PARD3B: variants seen among roughly 807,000 people sequenced by gnomAD.
PARD3B encodes the protein partitioning defective 3 homolog B.
In PARD3B, 103 loss-of-function variants were observed where a neutral mutation model predicts 130.2. That is an observed-to-expected ratio of 0.79 (90% CI 0.67 to 0.93). The LOEUF is 0.93. Among genes scored for constraint, PARD3B ranks in the 40% least tolerant of loss-of-function variants. The pLI, the probability that PARD3B is intolerant of heterozygous loss-of-function variation, is 0.00. For synonymous variants in PARD3B, 583 were observed against 553.2 expected, an observed-to-expected ratio of 1.05 and a Z score of -0.76; for missense variants, 1,609 against 1,499.2, an observed-to-expected ratio of 1.07 and a Z score of -1.21.
Position 204,623,720 on chromosome 2 carries a change from A to C in PARD3B, c.121-62461A>C, listed in dbSNP as rs746835955. On this transcript the variant is annotated intron_variant, in intron 1 of 22. Transcript: ENST00000406610. The surrounding 1 kb of genome is among the most constrained non-coding windows in gnomAD (Gnocchi z 4.5). The stretch of plus-strand genomic sequence containing the variant: ...TTTAAGTATATAATACAGCAGTATT[A>C]ACTATTGGCATAATGCTCCACAGCA... 6.6e-6 allele frequency among the ~76,000 whole-genome samples: 1 copy of C among 152,198 alleles called. No homozygotes were observed. The highest frequency in any genetic ancestry group is 1.5e-5 in the Non-Finnish European group (1 of 68,026).
chr2:205,470,658 A>G lies in PARD3B; in HGVS notation c.3045-29238A>G, dbSNP rs1030694405. On this transcript the variant is annotated intron_variant, in intron 20 of 22. Transcript: ENST00000406610. This position sits in a 1 kb window ranked among gnomAD's most constrained non-coding sequence, Gnocchi z 4.8. ...CATTTCCAGGGCAACCCTGTCTCCCACTTAGATCCTCTGGCTTAGAAACTA... is the reference window on the plus strand; with the variant it reads ...CATTTCCAGGGCAACCCTGTCTCCCGCTTAGATCCTCTGGCTTAGAAACTA... 6.6e-6 allele frequency among the ~76,000 whole-genome samples: 1 copy of G among 152,200 alleles called. No homozygotes were observed. The highest frequency in any genetic ancestry group is 2.4e-5 in the African/African-American group (1 of 41,456).
chr2:205,327,406 T>C (rs745658041), intron 18 of PARD3B, among the ~76,000 whole-genome samples: 2 of 152,216 alleles, frequency 1.3e-5, no homozygotes, highest in Admixed American at 6.5e-5. Context: ...ATATTATTAG[T>C]GTTTACTACT....
intron 2 of PARD3B, among the ~76,000 whole-genome samples, chr2:204,779,089 T>C (rs1331943942): frequency 1.3e-5 from 2 of 152,144 alleles, no homozygotes; most frequent in East Asian, 1.9e-4. Flanking sequence ...TTCTATTACC[T>C]GCTGGAGATG....
At chr2:204,672,435 CTG>C (rs1234686971) in intron 1 of PARD3B, among the ~76,000 whole-genome samples, 1 of 152,186 alleles carries the variant, frequency 6.6e-6, no homozygotes, top group Non-Finnish European at 1.5e-5. Flanking sequence ...AATTCTCAAA[CTG>C]TTTGTGATAG....
chr2:205,554,568 GT>G (rs1222337181), intron 22 of PARD3B, among the ~76,000 whole-genome samples: 2 of 151,966 alleles, frequency 1.3e-5, no homozygotes, highest in Non-Finnish European at 2.9e-5. Context: ...TGTCTAATAA[GT>G]TTTTCTTATT....
At chr2:204,986,811 A>G (rs1242093122) in intron 3 of PARD3B, among the ~76,000 whole-genome samples, 3 of 152,160 alleles carry the variant, frequency 2.0e-5, no homozygotes, top group Non-Finnish European at 2.9e-5. Context: ...CCCACCTTTT[A>G]CGTCCTGCCA....
intron 3 of PARD3B, among the ~76,000 whole-genome samples, chr2:205,036,365 AT>A (rs1255063664): frequency 1.5e-5 from 2 of 135,196 alleles, no homozygotes; most frequent in South Asian, 2.2e-4. Context: ...GGCTATATAT[AT>A]AAAATATATA....
At chr2:205,226,568 C>T (rs2038562794) in intron 15 of PARD3B, among the ~76,000 whole-genome samples, 1 of 152,048 alleles carries the variant, frequency 6.6e-6, no homozygotes, top group Non-Finnish European at 1.5e-5. Context: ...GTTTCATTCT[C>T]CTGCATATGA....
chr2:205,062,446 C>T (rs1700117760), intron 4 of PARD3B, among the ~76,000 whole-genome samples: 1 of 152,090 alleles, frequency 6.6e-6, no homozygotes, highest in Non-Finnish European at 1.5e-5. Context: ...CTCCCCGCTC[C>T]CACCCAAACC....
At chr2:205,340,970 A>G (rs2043502686) in intron 18 of PARD3B, among the ~76,000 whole-genome samples, 3 of 152,168 alleles carry the variant, frequency 2.0e-5, no homozygotes. Context: ...AAGGCCTACA[A>G]ATGGCCAACA....
intron 1 of PARD3B, among the ~76,000 whole-genome samples, chr2:204,644,100 A>T (rs1007300898): frequency 6.6e-6 from 1 of 152,148 alleles, no homozygotes; most frequent in South Asian, 2.1e-4. Context: ...CATTGGTAAC[A>T]CATCTCATCC....
At chr2:205,547,494 C>A (rs1273895409) in intron 21 of PARD3B, among the ~76,000 whole-genome samples, 1 of 152,078 alleles carries the variant, frequency 6.6e-6, no homozygotes, top group African/African-American at 2.4e-5. Context: ...GAAAAAACTT[C>A]TTGGATAAGC....
In PARD3B at chr2:205,187,266, C is replaced by T. The variant is rs1406669322; in HGVS notation, c.2024+1403C>T. On this transcript the variant is annotated intron_variant, in intron 14 of 22. Transcript: ENST00000406610. The surrounding 1 kb of genome is among the most constrained non-coding windows in gnomAD (Gnocchi z 4.9). ...CGGGAGGGAAGAGCAGCAGAAGAAA[C>T]AGCATAGAGACGGGAGAGTAAATTG... Among the ~76,000 whole-genome samples the T allele has an allele frequency of 6.6e-6, 1 of 152,302 alleles. No homozygotes were observed. The highest frequency in any genetic ancestry group is 2.1e-4 in the South Asian group (1 of 4,824).
intron 1 of PARD3B, among the ~76,000 whole-genome samples, chr2:204,563,214 G>GCTCTCT (rs1356690546): frequency 9.1e-5 from 5 of 55,018 alleles, no homozygotes; most frequent in Admixed American, 4.5e-4. Context: ...CCGTCTTCCC[G>GCTCTCT]CTGTCTCTCT....
At chr2:205,156,410 A>C (rs541635634) in intron 10 of PARD3B, among the ~76,000 whole-genome samples, 3 of 152,034 alleles carry the variant, frequency 2.0e-5, no homozygotes, top group Non-Finnish European at 4.4e-5. Flanking sequence ...CTTAAAGTAT[A>C]ATAATAATAA....
chr2:205,481,294 G>A (rs72948051), intron 20 of PARD3B, among the ~76,000 whole-genome samples: 33,835 of 152,146 alleles, frequency 0.22, 4,848 homozygotes, highest in Admixed American at 0.39. Context: ...GGAACGATCA[G>A]AGCTTCACTG....
intron 15 of PARD3B, among the ~76,000 whole-genome samples, chr2:205,240,459 G>A (rs1183684110): frequency 1.3e-5 from 2 of 152,120 alleles, no homozygotes; most frequent in African/African-American, 4.8e-5. Context: ...ATGAAATGGA[G>A]TTATCTATAT....
intron 1 of PARD3B, among the ~76,000 whole-genome samples, chr2:204,670,108 G>C (rs1414984842): frequency 6.6e-6 from 1 of 152,094 alleles, no homozygotes; most frequent in Non-Finnish European, 1.5e-5. Flanking sequence ...TGCCTCTGGA[G>C]AATACAGAAC....
At chr2:205,099,262 C>T (rs1034135496) in intron 4 of PARD3B, among the ~76,000 whole-genome samples, 3 of 152,078 alleles carry the variant, frequency 2.0e-5, no homozygotes. Context: ...CGTCCAAAAC[C>T]ATTATGTTTT....
Sources: gnomAD v4.1 joint callset for allele counts (sites outside exome capture counted in the v4.1 genomes callset) on GRCh38, gnomAD v4.1.1 for gene constraint, Gnocchi (gnomAD v3.1) non-coding constraint, MANE v1.5 for transcripts, NCBI Gene and HGNC (gene_info 2026-07-23, HGNC 2026-07-21) for gene names.